Variants in USP37 observed in about 807,000 individuals in gnomAD.
USP37 encodes the protein ubiquitin carboxyl-terminal hydrolase 37.
In USP37, 27 loss-of-function variants were observed where a neutral mutation model predicts 124.0. The ratio of observed to expected loss-of-function variants is 0.22; its 90% CI spans 0.16 to 0.30. The LOEUF (loss-of-function observed/expected upper bound fraction) is 0.30. Among genes scored for constraint, USP37 ranks in the 10% least tolerant of loss-of-function variants. The pLI is 1.00. For missense variants in USP37, 889 were observed against 1,140.4 expected, an observed-to-expected ratio of 0.78 and a Z score of 3.17; for synonymous variants, 365 against 388.0, an observed-to-expected ratio of 0.94 and a Z score of 0.70.
Position 218,454,613 on chromosome 2 carries a change from C to CAACTCTTTAAGGCTCCATTCATCCCGT in USP37, c.*316_*317insACGGGATGAATGGAGCCTTAAAGAGTT, listed in dbSNP as rs1553536359. 1.9e-4 allele frequency: 43 copies of CAACTCTTTAAGGCTCCATTCATCCCGT among 223,662 alleles called. No individual in the cohort carries two copies. Among genetic ancestry groups the CAACTCTTTAAGGCTCCATTCATCCCGT allele is most frequent in the Admixed American group, 5.2e-4 (9 of 17,370 alleles). The allele number at this position is 223,662 out of a possible 1,614,324, so 13.9% of individuals were successfully genotyped here. On this transcript the variant is annotated 3_prime_UTR_variant, in exon 26 of 26. Transcript: ENST00000258399. The stretch of plus-strand genomic sequence containing the variant: ...TAACTCTTTAAGGCTCCATTCATCC[C>CAACTCTTTAAGGCTCCATTCATCCCGT]GTGTGTGTGTGTGTGTGTCTGTGTG...
chr2:218,455,736 T>C lies in USP37; in HGVS notation c.2714-18A>G, dbSNP rs1283453420. 1 of 1,610,634 alleles carries C rather than the reference T, an allele frequency of 6.2e-7. No homozygotes were observed. Reference sequence around the variant, plus strand: ...GTAATGACCTGAAACAAATAACATCTTAAAATCAAGGTTTTTAAAAACACA... The same window carrying C: ...GTAATGACCTGAAACAAATAACATCCTAAAATCAAGGTTTTTAAAAACACA... On this transcript the variant is annotated intron_variant, in intron 24 of 25. Transcript: ENST00000258399.
chr2:218,495,385 G>A (rs879471282), intron 14 of USP37, among the ~76,000 whole-genome samples: 1 of 152,142 alleles, frequency 6.6e-6, no homozygotes, highest in Non-Finnish European at 1.5e-5. Flanking sequence ...CAAACCATCT[G>A]CCCACCTCAT....
intron 4 of USP37, among the ~76,000 whole-genome samples, chr2:218,554,161 T>G (rs1483647188): frequency 6.6e-6 from 1 of 152,218 alleles, no homozygotes; most frequent in Non-Finnish European, 1.5e-5. Context: ...TGTTAAACAT[T>G]AAGCAAAAGG....
At chr2:218,497,955 G>A in intron 12 of USP37, 71 bp downstream of exon 12, 1 of 1,568,570 alleles carries the variant, frequency 6.4e-7, no homozygotes, top group African/African-American at 1.4e-5. Context: ...ATTTTTGAGT[G>A]TCTAAAATTC....
intron 10 of USP37, among the ~76,000 whole-genome samples, chr2:218,512,358 T>A (rs1690045915): frequency 6.6e-6 from 1 of 151,884 alleles, no homozygotes; most frequent in Non-Finnish European, 1.5e-5. Flanking sequence ...AATACAAAAA[T>A]TAGCCAAGCG....
intron 9 of USP37, 83 bp from the exon 10 acceptor site, chr2:218,530,123 CCT>C: frequency 1.0e-6 from 1 of 979,448 alleles, no homozygotes; most frequent in South Asian, 2.0e-5. Flanking sequence ...ATACATTAGT[CCT>C]GATTATATTT....
At chr2:218,534,735 G>A in intron 8 of USP37, 29 bp from the exon 9 acceptor site, 2 of 1,397,892 alleles carry the variant, frequency 1.4e-6, no homozygotes, top group Non-Finnish European at 2.0e-6. Flanking sequence ...CATCAATATA[G>A]TACAGGTGTA....
At chr2:218,565,906 G>A (rs180826497) in intron 1 of USP37, among the ~76,000 whole-genome samples, 34 of 152,160 alleles carry the variant, frequency 2.2e-4, no homozygotes, top group Middle Eastern at 3.4e-3. Context: ...AAAATTAGCC[G>A]GGCATGGTGG....
At chr2:218,480,398 C>CAAAA (rs397868988) in intron 17 of USP37, among the ~76,000 whole-genome samples, 586 of 48,850 alleles carry the variant, frequency 0.012, 89 homozygotes, top group Non-Finnish European at 0.023. Context: ...GACTCCGTCT[C>CAAAA]AAAAAAAAAA....
chr2:218,459,253 G>A (rs1378646376), intron 23 of USP37, among the ~76,000 whole-genome samples: 1 of 151,962 alleles, frequency 6.6e-6, no homozygotes, highest in East Asian at 1.9e-4. Flanking sequence ...CCAGGCTGGA[G>A]TACAATGGCA....
At chr2:218,507,285 G>A (rs1689732539) in intron 11 of USP37, among the ~76,000 whole-genome samples, 1 of 151,758 alleles carries the variant, frequency 6.6e-6, no homozygotes, top group Non-Finnish European at 1.5e-5. Context: ...TGCCTCCCAA[G>A]TAGCTGGGAT....
chr2:218,498,201 CT>C, intron 11 of USP37, 44 bp from the exon 12 acceptor site: 1 of 1,543,220 alleles, frequency 6.5e-7, no homozygotes, highest in African/African-American at 1.4e-5. Flanking sequence ...ACAGGAATTC[CT>C]AAAGTATGTT....
rs117406870 is a variant in USP37 at position 218,543,841 on chromosome 2, A to C, written c.680+2380T>G. On this transcript the variant is annotated intron_variant, in intron 8 of 25. Transcript: ENST00000258399. ...AAAACAAAAAACAAACAAAAAAAAA[A>C]ACATAGCTCTCTGTGCCAAGAACCT... Among the ~76,000 whole-genome samples the C allele has an allele frequency of 5.7e-4, 87 of 152,040 alleles. 2 individuals are homozygous for C. The East Asian group carries it at 0.014, about 24-fold the overall frequency.
chr2:218,497,482 C>T (rs1046022877), intron 13 of USP37, among the ~76,000 whole-genome samples: 3 of 152,070 alleles, frequency 2.0e-5, no homozygotes, highest in Non-Finnish European at 4.4e-5. Context: ...CAACCTCTGC[C>T]TCCCGGGTTC....
intron 10 of USP37, among the ~76,000 whole-genome samples, chr2:218,511,834 G>A (rs1690017961): frequency 2.8e-5 from 4 of 142,208 alleles, no homozygotes; most frequent in Admixed American, 2.1e-4. Context: ...TAAGATTTTT[G>A]TATCTTGTAT....
intron 20 of USP37, among the ~76,000 whole-genome samples, chr2:218,468,086 A>G (rs186929478): frequency 1.2e-4 from 18 of 150,942 alleles, no homozygotes; most frequent in African/African-American, 4.4e-4. Context: ...ATGGGGTTTC[A>G]CCATGCTGGC....
intron 14 of USP37, among the ~76,000 whole-genome samples, chr2:218,492,808 TA>T (rs1241014710): frequency 6.6e-5 from 10 of 152,158 alleles, no homozygotes; most frequent in Non-Finnish European, 1.2e-4. Flanking sequence ...AGTTCAAGAC[TA>T]GACTGGGCAA....
At chr2:218,489,505 G>A (rs141470929) in intron 14 of USP37, among the ~76,000 whole-genome samples, 65 of 151,704 alleles carry the variant, frequency 4.3e-4, no homozygotes, top group African/African-American at 1.5e-3. Context: ...TTTTGAGGCG[G>A]AGTTCTGCTT....
At chr2:218,549,714 C>T (rs1692560684) in intron 6 of USP37, 95 bp downstream of exon 6, 8 of 1,162,838 alleles carry the variant, frequency 6.9e-6, no homozygotes, top group African/African-American at 6.3e-5. Flanking sequence ...ATCCACCCGC[C>T]TCGGCCTCCC....
Sources: gnomAD v4.1 joint callset for allele counts (sites outside exome capture counted in the v4.1 genomes callset) on GRCh38, gnomAD v4.1.1 for gene constraint, MANE v1.5 for transcripts, NCBI Gene and HGNC (gene_info 2026-07-23, HGNC 2026-07-21) for gene names.